The following SF3B2 variants were observed in gnomAD, a reference collection of about 807,000 sequenced individuals.
SF3B2 encodes splicing factor 3b subunit 2.
In SF3B2, 22 loss-of-function variants were observed where a neutral mutation model predicts 116.3. The ratio of observed to expected loss-of-function variants is 0.19; its 90% confidence interval spans 0.14 to 0.27. The LOEUF (loss-of-function observed/expected upper bound fraction) is 0.27, where lower values mean the gene tolerates loss of function less well. SF3B2 is among the 10% of genes least tolerant of loss of function. SF3B2 has a pLI of 1.00. For missense variants in SF3B2, 767 were observed against 1,151.4 expected (o/e 0.67, Z 4.83); for synonymous variants, 406 against 421.6 (o/e 0.96, Z 0.45).
chr11:66,053,856 T>TA (rs1159484587), intron 3 of SF3B2: 18 of 150,150 alleles, frequency 1.2e-4, no homozygotes, highest in Admixed American at 3.3e-4. Flanking sequence ...CCCGAAAACT[T>TA]ACAATAAAAT....
chr11:66,057,861 A>G (rs1427309587), intron 7 of SF3B2, among the ~76,000 whole-genome samples, 193 bp from the exon 8 acceptor site: 1 of 151,346 alleles, frequency 6.6e-6, no homozygotes. Flanking sequence ...AATCCCAGCT[A>G]CTCGGGAGGC....
Position 66,058,811 on chromosome 11 carries a change from GT to G in SF3B2, c.967-15del. 1 of 1,602,008 alleles carries G rather than the reference GT, an allele frequency of 6.2e-7. No homozygotes were observed. The highest frequency in any genetic ancestry group is 8.5e-7 in the Non-Finnish European group (1 of 1,174,462). ...GTGCTTGGATTCCCTGACCCAGCTG[GT>G]TTTCCTCCTCTTGACAGAAAAACCG... On this transcript the variant is annotated intron_variant, in intron 9 of 21. Coordinates refer to ENST00000322535, the MANE Select transcript of SF3B2 (RefSeq NM_006842.3).
At position 66,061,871 on chromosome 11, in the gene SF3B2, C is replaced by T. The variant is rs1298010193; in HGVS notation, c.1870-20C>T. ...GGGATAGGGTTTGGCAGATGGTATC[C>T]TGTTCTCTTTTTCCTGCAGAATGCC... is the stretch of plus-strand genomic sequence containing the variant. On this transcript the variant is annotated intron_variant, in intron 15 of 21. Transcript: ENST00000322535. 6.2e-7 allele frequency: 1 copy of T among 1,609,994 alleles called. No homozygotes were observed. Among genetic ancestry groups the T allele is most frequent in the African/African-American group, 1.3e-5 (1 of 74,952 alleles).
At position 66,058,157 on chromosome 11, in the gene SF3B2, G is replaced by T; in HGVS notation, c.874+7G>T. 1.2e-6 allele frequency: 2 copies of T among 1,606,796 alleles called. No individual in the cohort carries two copies. The highest frequency in any genetic ancestry group is 1.7e-6 in the Non-Finnish European group (2 of 1,176,520). On this transcript the variant is annotated splice_region_variant and intron_variant, in intron 8 of 21. Transcript: ENST00000322535. ...GAGATGAATTCTCAGCAGGGTGAGT[G>T]CCAGGCGTTCTGATGCTGTAGCCAC...
chr11:66,055,775 T>C (rs879528801), intron 5 of SF3B2, 190 bp downstream of exon 5: 16 of 573,868 alleles, frequency 2.8e-5, no homozygotes, highest in Non-Finnish European at 4.6e-5. Flanking sequence ...GGCCTGCATG[T>C]GTATGGCCTA....
In SF3B2 at chr11:66,052,719, G is replaced by A. The variant is rs1259693056; in HGVS notation, c.180G>A (p.Gln60=). 6.4e-7 allele frequency: 1 copy of A among 1,567,720 alleles called. No homozygotes were observed. The highest frequency in any genetic ancestry group is 8.6e-7 in the Non-Finnish European group (1 of 1,160,946). The change falls in exon 2 of 22, where the codon CAG becomes CAA. Residue 60 remains glutamine (Q), a splice_region_variant and synonymous_variant. Coordinates refer to ENST00000322535, the MANE Select transcript of SF3B2 (RefSeq NM_006842.3). ...AGCGGCTGCAGAGCTACACCCGCCAGGTAGGTGTTGGCGGCGGGACGTCAG... is the reference window on the plus strand; with the variant it reads ...AGCGGCTGCAGAGCTACACCCGCCAAGTAGGTGTTGGCGGCGGGACGTCAG... The part of the protein sequence containing the change: ...LVERLQSYTR[Q]TGIVLNRPVL...
In SF3B2 at chr11:66,059,889, C is replaced by G; in HGVS notation, c.1509C>G (p.His503Gln). The G allele has an allele frequency of 6.2e-7, 1 of 1,614,260 alleles. No homozygotes were observed. The highest frequency in any genetic ancestry group is 8.5e-7 in the Non-Finnish European group (1 of 1,180,050). Residue 503 changes from histidine (H) to glutamine (Q), a missense_variant, in exon 13 of 22, where the codon CAC becomes CAG. Transcript: ENST00000322535. This position sits in a 1 kb window ranked among gnomAD's most constrained non-coding sequence, Gnocchi z 5.0. ...GGAACTCTGTGCCTGTGCCACGCCA[C>G]TGGTGTTTTAAGCGCAAATACCTGC... is the stretch of plus-strand genomic sequence containing the variant. ...ATRNSVPVPR[H>Q]WCFKRKYLQG...
chr11:66,055,646 T>C, intron 5 of SF3B2, 61 bp downstream of exon 5: 2 of 1,461,606 alleles, frequency 1.4e-6, no homozygotes, highest in South Asian at 2.3e-5. Context: ...TCATTTATAG[T>C]GCTTAGAGTG....
At chr11:66,053,946 G>A (rs1287301674) in intron 3 of SF3B2, 1 of 151,530 alleles carries the variant, frequency 6.6e-6, no homozygotes, top group Non-Finnish European at 1.5e-5. Context: ...CACTTTGAGA[G>A]GCCAAGGCAG....
At chr11:66,066,443 C>T (rs557768526) in intron 19 of SF3B2, 3 of 152,288 alleles carry the variant, frequency 2.0e-5, no homozygotes, top group Admixed American at 6.5e-5. Context: ...CAGGCCTGTC[C>T]AGTGCCTGGT....
In SF3B2 at chr11:66,068,339, C is replaced by T. The variant is rs558107979; in HGVS notation, c.2616+6C>T. 1.0e-4 allele frequency: 168 copies of T among 1,603,270 alleles called. No individual in the cohort carries two copies. Among genetic ancestry groups the T allele is most frequent in the Non-Finnish European group, 1.2e-4 (143 of 1,175,902 alleles). On this transcript the variant is annotated splice_donor_region_variant and intron_variant, in intron 21 of 21. Coordinates refer to ENST00000322535, the MANE Select transcript of SF3B2 (RefSeq NM_006842.3). ...AGCACGCTGCCAAACAGAAGGTAGG[C>T]GCTTCCAGGGGCGCTGGGCTGGGTG...
chr11:66,058,258 G>A (rs1857037305), intron 8 of SF3B2, 56 bp from the exon 9 acceptor site: 1 of 1,584,448 alleles, frequency 6.3e-7, no homozygotes, highest in Non-Finnish European at 8.7e-7. Context: ...AGGTTACTGT[G>A]AACGAGTGCA....
In SF3B2 at chr11:66,053,085, C is replaced by T. The variant is rs746695677; in HGVS notation, c.239C>T (p.Pro80Leu). The change falls in exon 3 of 22, where the codon CCA (proline) becomes CTA (leucine). Residue 80 changes from proline to leucine, a missense_variant. Around this residue, in one of 4 missense-constraint regions of SF3B2, gnomAD observed 455 missense variants for 537.5 expected, o/e 0.85. Coordinates refer to ENST00000322535, the MANE Select transcript of SF3B2 (RefSeq NM_006842.3). ...GGGGAAGATGGGGACAAAGCCGCTC[C>T]ACCTCCCATGTCGGCACAGGTAGGG... ...LRGEDGDKAA[P>L]PPMSAQLPGI... is the part of the protein sequence containing the mutation. 78 of 1,613,966 alleles carry T rather than the reference C, an allele frequency of 4.8e-5. 1 individual carries two copies. The Admixed American group carries it at 1.2e-3, about 26-fold the overall frequency.
At chr11:66,057,518 A>G (rs1384894316) in intron 7 of SF3B2, 143 bp downstream of exon 7, 2 of 626,524 alleles carry the variant, frequency 3.2e-6, no homozygotes, top group African/African-American at 1.8e-5. Flanking sequence ...TATTTAAACT[A>G]AGGGTATGGC....
chr11:66,053,000 T>C (rs200215009), intron 2 of SF3B2, 27 bp from the exon 3 acceptor site: 1 of 1,611,172 alleles, frequency 6.2e-7, no homozygotes, highest in East Asian at 2.2e-5. Flanking sequence ...AGTTTTGGAC[T>C]GACCTAGAGT....
chr11:66,065,807 A>C (rs1177548603), intron 19 of SF3B2: 2 of 152,090 alleles, frequency 1.3e-5, no homozygotes, highest in African/African-American at 4.8e-5. Flanking sequence ...GGTCTTTTAA[A>C]TCTATTCTTT....
intron 14 of SF3B2, 28 bp downstream of exon 14, chr11:66,060,759 G>C (rs138189877): frequency 0.013 from 20,584 of 1,611,710 alleles, 152 homozygotes; most frequent in Non-Finnish European, 0.015. Context: ...GAGAGGTCAG[G>C]CTGGGCCTTG....
At chr11:66,061,225 C>G (rs551922051) in intron 14 of SF3B2, among the ~76,000 whole-genome samples, 3 of 152,266 alleles carry the variant, frequency 2.0e-5, no homozygotes, top group Admixed American at 2.0e-4. Flanking sequence ...TGGCTTCTTT[C>G]CCTGATAGAC....
chr11:66,058,709 G>T, intron 9 of SF3B2, 121 bp from the exon 10 acceptor site: 1 of 844,054 alleles, frequency 1.2e-6, no homozygotes. Flanking sequence ...TCATGAGATG[G>T]CCTCCTTGGG....
Sources: allele counts gnomAD v4.1 joint callset (sites outside exome capture counted in the v4.1 genomes callset), GRCh38; gene constraint gnomAD v4.1.1; regional missense constraint gnomAD v4.1.1; non-coding constraint Gnocchi (gnomAD v3.1); transcripts MANE v1.5; gene names NCBI Gene and HGNC (gene_info 2026-07-23, HGNC 2026-07-21).